Variants in TUT7 observed in about 807,000 individuals in gnomAD.
TUT7 encodes terminal uridylyl transferase 7.
TUT7 carries 33 observed loss-of-function variants against 165.9 expected under a neutral mutation model. The ratio of observed to expected loss-of-function variants is 0.20; its 90% CI spans 0.15 to 0.27. The LOEUF (loss-of-function observed/expected upper bound fraction) is 0.27, where lower values mean the gene tolerates loss of function less well. Among genes scored for constraint, TUT7 ranks in the 10% least tolerant of loss-of-function variants. The pLI is 1.00. For missense variants in TUT7, 1,338 were observed against 1,762.3 expected, an observed-to-expected ratio of 0.76 and a Z score of 4.31; for synonymous variants, 552 against 608.1, an observed-to-expected ratio of 0.91 and a Z score of 1.36.
chr9:86,336,798 G>A (rs1390008258), intron 10 of TUT7: 1 of 152,002 alleles, frequency 6.6e-6, no homozygotes, highest in Non-Finnish European at 1.5e-5. Flanking sequence ...TCTTTCAGAT[G>A]GTCTCTTCTT....
Position 86,318,940 on chromosome 9 carries a change from T to G in TUT7, c.3216+18A>C. 1 of 1,593,926 alleles carries G rather than the reference T, an allele frequency of 6.3e-7. No individual in the cohort carries two copies. Among genetic ancestry groups the G allele is most frequent in the South Asian group, 1.1e-5 (1 of 89,302 alleles). On this transcript the variant is annotated intron_variant, in intron 16 of 26. Transcript: ENST00000375963. Reference sequence around the variant, plus strand: ...TCACACTGCCACAGCAAATGGAAGTTTTATGTGGTCACTGTACCTCAGCAG... The same window carrying G: ...TCACACTGCCACAGCAAATGGAAGTGTTATGTGGTCACTGTACCTCAGCAG...
chr9:86,324,076 A>G, intron 12 of TUT7, 116 bp from the exon 13 acceptor site: 1 of 999,552 alleles, frequency 1.0e-6, no homozygotes. Context: ...GGTAAAATTT[A>G]TCTTGCATTT....
In TUT7 at chr9:86,308,540, G is replaced by A. The variant is rs751431949; in HGVS notation, c.3727C>T (p.Arg1243Cys). The change falls in exon 22 of 27, where the codon CGT becomes TGT. Residue 1243 changes from arginine (R) to cysteine (C), a missense_variant. Arg to Cys is a radical substitution (Grantham distance 180, BLOSUM62 -3). This residue lies in a region of TUT7 where 157 missense variants were observed against 357.5 expected (regional missense o/e 0.44). Coordinates refer to ENST00000375963, the MANE Select transcript of TUT7 (RefSeq NM_024617.4). ...AAATCAAATTCCTCTGTGTAGAAAC[G>A]AAGAAGGCCCAACCATAACTGCCCA... ...SVGQLWLGLL[R>C]FYTEEFDFKE... 21 of 1,613,754 alleles carry A rather than the reference G, an allele frequency of 1.3e-5. No individual in the cohort carries two copies. The highest frequency in any genetic ancestry group is 1.7e-5 in the Non-Finnish European group (20 of 1,179,930).
At chr9:86,308,751 A>C in intron 21 of TUT7, 145 bp from the exon 22 acceptor site, 1 of 668,126 alleles carries the variant, frequency 1.5e-6, no homozygotes, top group Non-Finnish European at 2.4e-6. Flanking sequence ...ATTTAAAAAC[A>C]TAATTTACAT....
At position 86,304,186 on chromosome 9, in the gene TUT7, T is replaced by C. The variant is rs147975768; in HGVS notation, c.3978+670A>G. ...ATTAACTTGATTTCATCATTCCATA[T>C]ACATGTATCAAATCATCACGTTGTG... On this transcript the variant is annotated intron_variant, in intron 24 of 26. Coordinates refer to ENST00000375963, the MANE Select transcript of TUT7 (RefSeq NM_024617.4). Among the ~76,000 whole-genome samples the C allele has an allele frequency of 9.8e-4, 150 of 152,314 alleles. 2 individuals carry two copies. Among genetic ancestry groups the C allele is most frequent in the Admixed American group, 9.0e-3 (137 of 15,300 alleles).
chr9:86,334,558 T>C (rs1830599198), intron 10 of TUT7, among the ~76,000 whole-genome samples: 1 of 152,186 alleles, frequency 6.6e-6, no homozygotes, highest in Admixed American at 6.6e-5. Flanking sequence ...CTGGGGGCAG[T>C]GGTTTGCCCA....
chr9:86,294,085 A>G (rs1430795219), intron 26 of TUT7, among the ~76,000 whole-genome samples: 2 of 152,156 alleles, frequency 1.3e-5, no homozygotes, highest in Admixed American at 1.3e-4. Context: ...TAGCTCTTCA[A>G]CTTCCATGTG....
In TUT7 at chr9:86,323,674, T is replaced by A; in HGVS notation, c.2076A>T (p.Val692=). Residue 692 remains valine (V), a synonymous_variant, in exon 13 of 27, where the codon GTA becomes GTT. Transcript: ENST00000375963. ...ATSSAANTCK[V]QPLTLKETAE... Reference sequence around the variant, plus strand: ...CAGTCTCTTTAAGAGTAAGTGGCTGTACCTTACAGGTATTTGCAGCTGAAC... The same window carrying A: ...CAGTCTCTTTAAGAGTAAGTGGCTGAACCTTACAGGTATTTGCAGCTGAAC... 1.9e-6 allele frequency: 3 copies of A among 1,614,246 alleles called. No individual in the cohort carries two copies. The highest frequency in any genetic ancestry group is 2.5e-6 in the Non-Finnish European group (3 of 1,180,026).
Position 86,340,022 on chromosome 9 carries a change from T to G in TUT7, c.1208+14A>C, listed in dbSNP as rs554076931. Reference sequence around the variant, plus strand: ...GTTGAGAGTTAGTAAATAAACAGTTTAAAGAAATGAGACCTTTGCTTTTCT... The same window carrying G: ...GTTGAGAGTTAGTAAATAAACAGTTGAAAGAAATGAGACCTTTGCTTTTCT... On this transcript the variant is annotated intron_variant, in intron 8 of 26. Coordinates refer to ENST00000375963, the MANE Select transcript of TUT7 (RefSeq NM_024617.4). 27 of 1,609,908 alleles carry G rather than the reference T, an allele frequency of 1.7e-5. 2 individuals are homozygous for G. In the South Asian group the frequency reaches 2.7e-4, roughly 16 times the overall value.
chr9:86,288,481 G>T lies in TUT7; in HGVS notation c.*196C>A. ...TCTATTAAAATCCTTAAATCTATGG[G>T]GATGTGTGGTAGATAAGACTATATT... On this transcript the variant is annotated 3_prime_UTR_variant, in exon 27 of 27. Transcript: ENST00000375963. 2 of 410,014 alleles carry T rather than the reference G, an allele frequency of 4.9e-6. No homozygotes were observed. Among genetic ancestry groups the T allele is most frequent in the South Asian group, 5.8e-5 (1 of 17,206 alleles). 25.4% of individuals were successfully genotyped at this position (410,014 alleles called of 1,614,324 possible). A position where few individuals can be genotyped will look rare whatever the true frequency, so the allele number is the denominator to read the frequency against.
At chr9:86,309,133 A>G in intron 21 of TUT7, 79 bp downstream of exon 21, 1 of 813,676 alleles carries the variant, frequency 1.2e-6, no homozygotes, top group Non-Finnish European at 2.0e-6. Flanking sequence ...GCAATAAAAT[A>G]GTTGTTGAAC....
intron 26 of TUT7, among the ~76,000 whole-genome samples, chr9:86,299,454 A>C (rs916091807): frequency 1.2e-4 from 19 of 152,184 alleles, no homozygotes; most frequent in African/African-American, 4.3e-4. Flanking sequence ...AGAGAGGAAG[A>C]AGCAGCTGAT....
At chr9:86,299,637 C>G (rs900379289) in intron 26 of TUT7, among the ~76,000 whole-genome samples, 7 of 152,132 alleles carry the variant, frequency 4.6e-5, no homozygotes, top group Non-Finnish European at 1.0e-4. Context: ...CCCTGCCACC[C>G]GGACTACCCG....
At chr9:86,340,969 T>C (rs769061280) in intron 7 of TUT7, 33 bp downstream of exon 7, 8 of 1,552,574 alleles carry the variant, frequency 5.2e-6, no homozygotes, top group South Asian at 3.4e-5. Flanking sequence ...ATAGACAACA[T>C]AAAAATTTTT....
intron 11 of TUT7, among the ~76,000 whole-genome samples, chr9:86,326,798 AC>A (rs144176199): frequency 0.01 from 1,552 of 152,306 alleles, 23 homozygotes; most frequent in African/African-American, 0.034. Context: ...TACAGTGCAC[AC>A]CATATGCAAC....
chr9:86,310,904 A>G lies in TUT7; in HGVS notation c.3275-95T>C, dbSNP rs924456765. On this transcript the variant is annotated intron_variant, in intron 17 of 26. Transcript: ENST00000375963. Reference sequence around the variant, plus strand: ...TTCCAATATAAAATGGTGTAAACCTAACTTTGGCCTGTTTCATTGCATTCA... The same window carrying G: ...TTCCAATATAAAATGGTGTAAACCTGACTTTGGCCTGTTTCATTGCATTCA... 9.9e-6 allele frequency: 7 copies of G among 705,772 alleles called. No individual in the cohort carries two copies. In the African/African-American group the frequency reaches 1.1e-4, roughly 11 times the overall value. 43.7% of individuals were successfully genotyped at this position (705,772 alleles called of 1,614,324 possible).
chr9:86,353,268 A>C, intron 1 of TUT7, 38 bp from the exon 2 acceptor site: 1 of 1,459,372 alleles, frequency 6.9e-7, no homozygotes, highest in Non-Finnish European at 9.1e-7. Context: ...CAAACTATAT[A>C]ACAAGATATC....
In TUT7 at chr9:86,324,254, C is replaced by T. The variant is rs1425942; in HGVS notation, c.1790-294G>A. On this transcript the variant is annotated intron_variant, in intron 12 of 26. Coordinates refer to ENST00000375963, the MANE Select transcript of TUT7 (RefSeq NM_024617.4). ...ACTGTGGAGGTAGAAAAGATGTTATCAGCGTGGCTCTCAGGCCCTTGGGAA... is the reference window on the plus strand; with the variant it reads ...ACTGTGGAGGTAGAAAAGATGTTATTAGCGTGGCTCTCAGGCCCTTGGGAA... The T allele has an allele frequency of 3.8e-3, 711 of 186,318 alleles. 33 individuals are homozygous for T. The East Asian group carries it at 0.094, about 25-fold the overall frequency. 11.5% of individuals were successfully genotyped at this position (186,318 alleles called of 1,614,324 possible). A position where few individuals can be genotyped will look rare whatever the true frequency, so the allele number is the denominator to read the frequency against.
At chr9:86,295,625 T>C (rs1184972108) in intron 26 of TUT7, among the ~76,000 whole-genome samples, 4 of 152,130 alleles carry the variant, frequency 2.6e-5, no homozygotes, top group African/African-American at 7.2e-5. Flanking sequence ...CCCCATACTA[T>C]TTTAAAAAGT....
Sources: allele counts gnomAD v4.1 joint callset (sites outside exome capture counted in the v4.1 genomes callset), GRCh38; gene constraint gnomAD v4.1.1; regional missense constraint gnomAD v4.1.1; transcripts MANE v1.5; gene names NCBI Gene and HGNC (gene_info 2026-07-23, HGNC 2026-07-21).